The following TRMT1 variants were observed in gnomAD, a reference collection of about 807,000 sequenced individuals.
TRMT1 encodes the protein tRNA methyltransferase 1.
TRMT1 carries 63 observed loss-of-function variants against 75.4 expected under a neutral mutation model. The observed-to-expected ratio is 0.84, with a 90% confidence interval of 0.68 to 1.03. The LOEUF (loss-of-function observed/expected upper bound fraction) is 1.03, where lower values mean the gene tolerates loss of function less well. Among genes scored for constraint, TRMT1 ranks in the 50% least tolerant of loss-of-function variants. The probability of loss-of-function intolerance (pLI) is 0.00; values close to 1 mark genes in which losing one functional copy is unlikely to be tolerated. For missense variants in TRMT1, 870 were observed against 905.3 expected (o/e 0.96, Z 0.50); for synonymous variants, 382 against 358.1 (o/e 1.07, Z -0.75).
In TRMT1 at chr19:13,109,899, C is replaced by T; in HGVS notation, c.1106+16G>A. 6.2e-7 allele frequency: 1 copy of T among 1,614,078 alleles called. No individual in the cohort carries two copies. The highest frequency in any genetic ancestry group is 1.1e-5 in the South Asian group (1 of 91,090). ...AAACCCTGGGACTCCCCTTCTTCTC[C>T]TTCCTCCCTGCTCACCGGCCGCTGG... On this transcript the variant is annotated intron_variant, in intron 9 of 16. Coordinates refer to ENST00000357720, the MANE Select transcript of TRMT1 (RefSeq NM_001136035.4).
intron 11 of TRMT1, 39 bp downstream of exon 11, chr19:13,109,511 C>A: frequency 6.2e-7 from 1 of 1,613,996 alleles, no homozygotes; most frequent in South Asian, 1.1e-5. Context: ...TGGACGGGCA[C>A]AGGTGGAGCC....
Position 13,116,248 on chromosome 19 carries a change from T to C in TRMT1, c.152A>G (p.Glu51Gly). 6.2e-7 allele frequency: 1 copy of C among 1,614,148 alleles called. No homozygotes were observed. Among genetic ancestry groups the C allele is most frequent in the Non-Finnish European group, 8.5e-7 (1 of 1,180,030 alleles). Residue 51 changes from glutamate to glycine, a missense_variant, in exon 2 of 17, where the codon GAA (glutamate) becomes GGA (glycine). Glu to Gly is a moderately conservative substitution (Grantham distance 98). Transcript: ENST00000357720. ...TGPYGEERPR[E>G]VQETTVTEGA... ...CTCGGTGACTGTCGTCTCCTGGACT[T>C]CACGTGGACGTTCTTCTCCGTAGGG...
Position 13,112,946 on chromosome 19 carries a change from C to T in TRMT1, c.707G>A (p.Gly236Asp). The T allele has an allele frequency of 6.2e-7, 1 of 1,613,922 alleles. No individual in the cohort carries two copies. Residue 236 changes from glycine (G) to aspartate (D), a missense_variant, in exon 6 of 17, where the codon GGC becomes GAC. Gly to Asp is a moderately conservative substitution (Grantham distance 94). Coordinates refer to ENST00000357720, the MANE Select transcript of TRMT1 (RefSeq NM_001136035.4). ...TGCATCCAGGAAGGTGGCTGGGCTG[C>T]CATAGGGGTCCAGATCGATGACGTC... ...RFDVIDLDPY[G>D]SPATFLDAAV... is the part of the protein sequence containing the mutation.
chr19:13,110,033 A>C (rs1430363448), intron 8 of TRMT1, 32 bp from the exon 9 acceptor site: 3 of 1,612,440 alleles, frequency 1.9e-6, no homozygotes, highest in Non-Finnish European at 2.5e-6. Flanking sequence ...ACGAGTTCCC[A>C]GCGTGACCAC....
In TRMT1 at chr19:13,109,974, C is replaced by T. The variant is rs1285679575; in HGVS notation, c.1047G>A (p.Val349=). ...ASKQALVFQC[V]GCGAFHLQRL... ...GCTGAAGGTGGAAGGCCCCGCAGCC[C>T]ACACACTGGAACACCAGCGCCTGCT... The change falls in exon 9 of 17, where the codon GTG becomes GTA. Residue 349 remains valine (V), a synonymous_variant. Transcript: ENST00000357720. 2.5e-6 allele frequency: 4 copies of T among 1,613,690 alleles called. No homozygotes were observed. The highest frequency in any genetic ancestry group is 2.7e-5 in the African/African-American group (2 of 75,038).
Position 13,109,469 on chromosome 19 carries a change from G to C in TRMT1, c.1312-3C>G. 6.2e-7 allele frequency: 1 copy of C among 1,613,954 alleles called. No homozygotes were observed. The highest frequency in any genetic ancestry group is 8.5e-7 in the Non-Finnish European group (1 of 1,179,998). Reference sequence around the variant, plus strand: ...TACAGAGGCACGTCCGGGAGCTCCTGCGATGGGGGACAGGATGGGCATGAG... The same window carrying C: ...TACAGAGGCACGTCCGGGAGCTCCTCCGATGGGGGACAGGATGGGCATGAG... On this transcript the variant is annotated splice_polypyrimidine_tract_variant and splice_region_variant and intron_variant, in intron 11 of 16. Transcript: ENST00000357720.
Position 13,109,372 on chromosome 19 carries a change from G to T in TRMT1, c.1397+9C>A, listed in dbSNP as rs747271658. ...GGGACAGGCTCCTCCCGACCCCAGG[G>T]GCTCTTACCGCAACTGCAGGAGGCT... On this transcript the variant is annotated intron_variant, in intron 12 of 16. Transcript: ENST00000357720. 1 of 1,612,234 alleles carries T rather than the reference G, an allele frequency of 6.2e-7. No individual in the cohort carries two copies.
chr19:13,115,188 A>T, intron 5 of TRMT1, 91 bp downstream of exon 5: 2 of 1,389,746 alleles, frequency 1.4e-6, no homozygotes, highest in Admixed American at 2.6e-5. Flanking sequence ...TAAGTCACTC[A>T]CTCAAGGTCA....
At chr19:13,107,044 G>T (rs1426108666) in intron 14 of TRMT1, among the ~76,000 whole-genome samples, 6 of 142,198 alleles carry the variant, frequency 4.2e-5, no homozygotes, top group Non-Finnish European at 1.5e-5. Flanking sequence ...CACTGTGTTA[G>T]CCAGGATGGT....
Position 13,115,382 on chromosome 19 carries a change from C to T in TRMT1, c.538G>A (p.Val180Met). 6.2e-7 allele frequency: 1 copy of T among 1,614,134 alleles called. No individual in the cohort carries two copies. ...FALEVPGLRSVVANDASTRAV... is the reference protein window; with the variant it reads ...FALEVPGLRSMVANDASTRAV... ...CGGGTGGAGGCATCGTTTGCAACCA[C>T]AGATCTGAGCCCAGGCACCTCTAGG... The change falls in exon 5 of 17, where the codon GTG (valine) becomes ATG (methionine). Residue 180 changes from valine to methionine, a missense_variant. Transcript: ENST00000357720.
chr19:13,109,338 C>T, intron 12 of TRMT1, 43 bp downstream of exon 12: 1 of 1,606,996 alleles, frequency 6.2e-7, no homozygotes, highest in South Asian at 1.1e-5. Flanking sequence ...CCAGGCCACC[C>T]TGTGGTCTGG....
At chr19:13,115,213 GAC>G (rs1342501080) in intron 5 of TRMT1, 64 bp downstream of exon 5, 1 of 1,517,542 alleles carries the variant, frequency 6.6e-7, no homozygotes, top group Non-Finnish European at 8.9e-7. Flanking sequence ...GTGAGAATGT[GAC>G]AGAGCCAGAA....
intron 10 of TRMT1, 36 bp downstream of exon 10, chr19:13,109,733 C>T (rs758934314): frequency 6.2e-7 from 1 of 1,614,030 alleles, no homozygotes; most frequent in South Asian, 1.1e-5. Context: ...CCTTCAAGAC[C>T]CTCTTGCTCC....
intron 7 of TRMT1, among the ~76,000 whole-genome samples, chr19:13,110,910 A>G (rs138754150): frequency 3.4e-4 from 52 of 152,278 alleles, no homozygotes; most frequent in Non-Finnish European, 5.7e-4. Flanking sequence ...AGATCTCACC[A>G]CTGCACTCCA....
chr19:13,110,144 G>GC lies in TRMT1; in HGVS notation c.1019+13dup, dbSNP rs1006456849. ...CTCTCTCAATCCACCACCGCTCTCTGCCCCCGGGCTGACCTGGCTGAGGCC... is the reference window on the plus strand; with the variant it reads ...CTCTCTCAATCCACCACCGCTCTCTGCCCCCCGGGCTGACCTGGCTGAGGCC... On this transcript the variant is annotated intron_variant, in intron 8 of 16. Coordinates refer to ENST00000357720, the MANE Select transcript of TRMT1 (RefSeq NM_001136035.4). 2.7e-5 allele frequency: 43 copies of GC among 1,611,716 alleles called. No homozygotes were observed. The highest frequency in any genetic ancestry group is 3.1e-5 in the Non-Finnish European group (37 of 1,179,784).
chr19:13,114,796 G>A (rs1394158738), intron 5 of TRMT1, among the ~76,000 whole-genome samples: 2 of 152,062 alleles, frequency 1.3e-5, no homozygotes, highest in Non-Finnish European at 2.9e-5. Flanking sequence ...AGCTGAGATC[G>A]TGCCACTGCA....
chr19:13,111,738 C>T (rs1250036245), intron 7 of TRMT1, among the ~76,000 whole-genome samples: 4 of 132,420 alleles, frequency 3.0e-5, no homozygotes, highest in South Asian at 5.0e-4. Context: ...CTTGCTCTGT[C>T]GCCCAGGCTG....
intron 12 of TRMT1, 101 bp from the exon 13 acceptor site, chr19:13,107,960 C>T (rs891814017): frequency 1.4e-5 from 10 of 732,020 alleles, no homozygotes; most frequent in Admixed American, 1.1e-4. Context: ...GGGCTCATGG[C>T]TACAGAGTTC....
In TRMT1 at chr19:13,104,971, A is replaced by AG. The variant is rs761486084; in HGVS notation, c.1943dup (p.Gly649TrpfsTer15). 2.2e-4 allele frequency: 353 copies of AG among 1,613,540 alleles called. No homozygotes were observed. Among genetic ancestry groups the AG allele is most frequent in the Non-Finnish European group, 2.8e-4 (326 of 1,179,894 alleles). ...CTGGCCCAGCGGCAGCCCCAGGTCC[A>AG]GGGGGGGTCTGGTTGGAGGTCTCTG... On this transcript the variant is annotated frameshift_variant, in exon 17 of 17. Coordinates refer to ENST00000357720, the MANE Select transcript of TRMT1 (RefSeq NM_001136035.4). LOFTEE classifies it high-confidence loss of function.
Sources: allele counts gnomAD v4.1 joint callset (sites outside exome capture counted in the v4.1 genomes callset), GRCh38; gene constraint gnomAD v4.1.1; transcripts MANE v1.5; gene names NCBI Gene and HGNC (gene_info 2026-07-23, HGNC 2026-07-21).